The following FARS2 variants were observed in gnomAD, a reference collection of about 807,000 sequenced individuals.
The protein encoded by FARS2 is phenylalanine--tRNA ligase, mitochondrial.
In FARS2, 40 loss-of-function variants were observed where a neutral mutation model predicts 46.4. The observed-to-expected ratio is 0.86, with a 90% CI of 0.67 to 1.12. The LOEUF is 1.12. Ranked by LOEUF, FARS2 falls within the 50% of genes most tolerant of loss-of-function variation. FARS2 has a pLI of 0.00. For missense variants in FARS2, 513 were observed against 567.9 expected (o/e 0.90, Z 0.98); for synonymous variants, 234 against 214.9 (o/e 1.09, Z -0.78).
intron 6 of FARS2, among the ~76,000 whole-genome samples, chr6:5,652,548 G>A (rs1213443539): frequency 6.6e-6 from 1 of 152,244 alleles, no homozygotes; most frequent in Admixed American, 6.5e-5. Flanking sequence ...AAGGCCCAGT[G>A]CGGCGCAGCC....
chr6:5,424,778 A>C (rs1039269448), intron 3 of FARS2, among the ~76,000 whole-genome samples: 1 of 152,180 alleles, frequency 6.6e-6, no homozygotes, highest in Non-Finnish European at 1.5e-5. Context: ...TTTCCTATTC[A>C]AAACAAAACA....
chr6:5,631,917 A>G (rs1473579567), intron 6 of FARS2, among the ~76,000 whole-genome samples: 1 of 152,230 alleles, frequency 6.6e-6, no homozygotes, highest in Non-Finnish European at 1.5e-5. Flanking sequence ...ACACATTTTT[A>G]AGCAACTGTG....
intron 1 of FARS2, among the ~76,000 whole-genome samples, chr6:5,348,239 A>C (rs1757357924): frequency 6.6e-6 from 1 of 151,906 alleles, no homozygotes; most frequent in Non-Finnish European, 1.5e-5. Flanking sequence ...ACCTTTGTCC[A>C]CTCCAAGGTA....
At chr6:5,331,145 A>AT (rs1450220597) in intron 1 of FARS2, among the ~76,000 whole-genome samples, 4 of 149,206 alleles carry the variant, frequency 2.7e-5, no homozygotes, top group Admixed American at 1.3e-4. Flanking sequence ...TATTCTACAT[A>AT]TTTTTTTGAG....
chr6:5,252,660 G>GT, the FARS2 span, among the ~76,000 whole-genome samples: 2 of 152,036 alleles, frequency 1.3e-5, no homozygotes, highest in African/African-American at 4.8e-5. Flanking sequence ...CCAGCCTGTT[G>GT]TTTACCTAGT....
chr6:5,504,025 C>T (rs1428705412), intron 4 of FARS2, among the ~76,000 whole-genome samples: 2 of 152,208 alleles, frequency 1.3e-5, no homozygotes, highest in East Asian at 1.9e-4. Context: ...AGAGACTTGC[C>T]ATTATTAAAA....
chr6:5,254,523 T>G, the FARS2 span, among the ~76,000 whole-genome samples: 1 of 152,238 alleles, frequency 6.6e-6, no homozygotes, highest in African/African-American at 2.4e-5. Flanking sequence ...CAATTACTTT[T>G]GCACCAACTT....
chr6:5,374,990 T>A (rs1759287560), intron 2 of FARS2, among the ~76,000 whole-genome samples: 1 of 152,112 alleles, frequency 6.6e-6, no homozygotes, highest in Admixed American at 6.5e-5. Context: ...TAATTAATGG[T>A]GCATCATTCT....
intron 1 of FARS2, among the ~76,000 whole-genome samples, chr6:5,296,373 C>G (rs1409779006): frequency 6.6e-6 from 1 of 152,070 alleles, no homozygotes; most frequent in Non-Finnish European, 1.5e-5. Flanking sequence ...GATCTCCTGA[C>G]CTCGTGATCC....
intron 6 of FARS2, among the ~76,000 whole-genome samples, chr6:5,739,532 T>C (rs1157473396): frequency 6.6e-6 from 1 of 152,218 alleles, no homozygotes; most frequent in African/African-American, 2.4e-5. Context: ...AAGGAATTTG[T>C]GACCTGGGGC....
chr6:5,562,304 GT>G (rs1772031081), intron 5 of FARS2, among the ~76,000 whole-genome samples: 1 of 152,070 alleles, frequency 6.6e-6, no homozygotes, highest in Non-Finnish European at 1.5e-5. Flanking sequence ...TTAAGAAGTG[GT>G]CTTTTAACGG....
intron 5 of FARS2, among the ~76,000 whole-genome samples, chr6:5,553,588 G>T (rs1277709666): frequency 6.6e-6 from 1 of 152,036 alleles, no homozygotes; most frequent in South Asian, 2.1e-4. Flanking sequence ...AGAGCCGAAG[G>T]ATTTAAATTT....
At chr6:5,626,071 T>C (rs912163831) in intron 6 of FARS2, among the ~76,000 whole-genome samples, 1 of 152,160 alleles carries the variant, frequency 6.6e-6, no homozygotes, top group Non-Finnish European at 1.5e-5. Context: ...TGGAATTTAA[T>C]TGGGTGTCTA....
At chr6:5,252,006 A>G in the FARS2 span, among the ~76,000 whole-genome samples, 3 of 152,238 alleles carry the variant, frequency 2.0e-5, no homozygotes, top group Non-Finnish European at 4.4e-5. Flanking sequence ...TCCTTCATTA[A>G]GACAGCAATC....
At chr6:5,407,068 A>ATATATATATATATATAT (rs1562017961) in intron 3 of FARS2, among the ~76,000 whole-genome samples, 1 of 42,874 alleles carries the variant, frequency 2.3e-5, no homozygotes, top group Non-Finnish European at 4.7e-5. Context: ...TATATATATA[A>ATATATATATATATATAT]TGACCAATAA....
intron 1 of FARS2, among the ~76,000 whole-genome samples, chr6:5,325,154 C>T (rs1770275074): frequency 6.6e-6 from 1 of 152,330 alleles, no homozygotes; most frequent in African/African-American, 2.4e-5. Context: ...CAGAGCAGCT[C>T]CTTCTGGATC....
chr6:5,532,780 TAATAAG>T (rs143433088), intron 4 of FARS2, among the ~76,000 whole-genome samples: 3,538 of 146,422 alleles, frequency 0.024, 137 homozygotes, highest in African/African-American at 0.087. Flanking sequence ...ATAATAATAA[TAATAAG>T]AAGAAGAAGA....
intron 4 of FARS2, among the ~76,000 whole-genome samples, chr6:5,441,131 A>C (rs1330983798): frequency 6.6e-6 from 1 of 152,116 alleles, no homozygotes; most frequent in Non-Finnish European, 1.5e-5. Context: ...CATTTTGGCC[A>C]GGCTGGTCTC....
chr6:5,400,385 C>CT (rs1361028131), intron 2 of FARS2, among the ~76,000 whole-genome samples: 10 of 151,438 alleles, frequency 6.6e-5, no homozygotes, highest in Admixed American at 6.6e-4. Flanking sequence ...TGTTCCCCTT[C>CT]TTTTTTTGTC....
Sources: allele counts gnomAD v4.1 joint callset (sites outside exome capture counted in the v4.1 genomes callset), GRCh38; gene constraint gnomAD v4.1.1; transcripts MANE v1.5; gene names NCBI Gene and HGNC (gene_info 2026-07-23, HGNC 2026-07-21).